Variants in CREB5 observed in about 807,000 individuals in gnomAD.
CREB5 encodes the protein cAMP responsive element binding protein 5.
CREB5 carries 19 observed loss-of-function variants against 57.1 expected under a neutral mutation model. The observed-to-expected ratio is 0.33, with a 90% CI of 0.23 to 0.49. The LOEUF (loss-of-function observed/expected upper bound fraction) is 0.49, where lower values mean the gene tolerates loss of function less well. Among genes scored for constraint, CREB5 ranks in the 20% least tolerant of loss-of-function variants. The probability of loss-of-function intolerance (pLI) is 0.99; values close to 1 mark genes in which losing one functional copy is unlikely to be tolerated. For synonymous variants in CREB5, 238 were observed against 238.3 expected (o/e 1.00, Z 0.01); for missense variants, 579 against 671.6 (o/e 0.86, Z 1.52).
At chr7:28,589,624 A>C (rs994463590) in intron 5 of CREB5, among the ~76,000 whole-genome samples, 1 of 152,228 alleles carries the variant, frequency 6.6e-6, no homozygotes, top group African/African-American at 2.4e-5. Flanking sequence ...TGCTGTTTAC[A>C]AATAGCGAAA....
intron 1 of CREB5, among the ~76,000 whole-genome samples, chr7:28,354,902 A>C (rs935591291): frequency 6.6e-6 from 1 of 152,180 alleles, no homozygotes; most frequent in African/African-American, 2.4e-5. Flanking sequence ...AGACGTAAGG[A>C]TGAATGCCTG....
intron 4 of CREB5, among the ~76,000 whole-genome samples, chr7:28,528,596 C>T (rs59124838): frequency 0.022 from 3,329 of 148,120 alleles, 95 homozygotes; most frequent in African/African-American, 0.077. Flanking sequence ...CCCAGCTACT[C>T]GGGAGGCTGA....
intron 7 of CREB5, among the ~76,000 whole-genome samples, chr7:28,728,433 T>A (rs1583625129): frequency 6.6e-6 from 1 of 152,338 alleles, no homozygotes; most frequent in South Asian, 2.1e-4. Flanking sequence ...TTAAATCAGA[T>A]TCCCTTGGGT....
chr7:28,415,589 C>T (rs1583435509), intron 1 of CREB5, among the ~76,000 whole-genome samples: 1 of 152,230 alleles, frequency 6.6e-6, no homozygotes, highest in African/African-American at 2.4e-5. Flanking sequence ...ATAAGGGCCT[C>T]CTTAATTAAT....
chr7:28,816,367 C>G (rs968848410), intron 9 of CREB5, among the ~76,000 whole-genome samples: 1 of 152,184 alleles, frequency 6.6e-6, no homozygotes, highest in African/African-American at 2.4e-5. Flanking sequence ...CCTTATCAAT[C>G]ACATTCATTT....
intron 5 of CREB5, among the ~76,000 whole-genome samples, chr7:28,663,632 C>T (rs1279458753): frequency 2.0e-5 from 3 of 152,204 alleles, no homozygotes; most frequent in Admixed American, 6.5e-5. Flanking sequence ...ATGGAAGTAT[C>T]AGAAACTGAA....
At chr7:28,629,648 C>T (rs1213237897) in intron 5 of CREB5, among the ~76,000 whole-genome samples, 1 of 152,182 alleles carries the variant, frequency 6.6e-6, no homozygotes, top group Non-Finnish European at 1.5e-5. Flanking sequence ...CTGGGATGAC[C>T]TTTGCTTCAT....
intron 7 of CREB5, among the ~76,000 whole-genome samples, chr7:28,762,680 C>T (rs1292205000): frequency 6.6e-6 from 1 of 151,726 alleles, no homozygotes; most frequent in Non-Finnish European, 1.5e-5. Context: ...TGATCTTTCC[C>T]TAAGCAAAAT....
At chr7:28,638,296 A>AACAC (rs372832509) in intron 5 of CREB5, among the ~76,000 whole-genome samples, 1 of 102,330 alleles carries the variant, frequency 9.8e-6, no homozygotes, top group Admixed American at 9.6e-5. Flanking sequence ...CACACACACG[A>AACAC]ACACACACAC....
chr7:28,336,886 G>T (rs1382662871), intron 1 of CREB5, among the ~76,000 whole-genome samples: 1 of 151,758 alleles, frequency 6.6e-6, no homozygotes, highest in African/African-American at 2.4e-5. Flanking sequence ...GTTTGGATAT[G>T]TTGTGTTTCC....
At chr7:28,817,444 A>C (rs1785293332) in intron 9 of CREB5, among the ~76,000 whole-genome samples, 4 of 152,202 alleles carry the variant, frequency 2.6e-5, no homozygotes, top group Admixed American at 2.0e-4. Flanking sequence ...TAGATTGAGC[A>C]ACACAGACTT....
Position 28,817,936 on chromosome 7 carries a change from C to A in CREB5, c.1255-135C>A, listed in dbSNP as rs200801004. The stretch of plus-strand genomic sequence containing the variant: ...GGTAAGCTACAAACTTTCAGGTGAA[C>A]CACATTAAATAATATTCTTAATGTC... On this transcript the variant is annotated intron_variant, in intron 9 of 10. Coordinates refer to ENST00000357727, the MANE Select transcript of CREB5 (RefSeq NM_182898.4). The A allele has an allele frequency of 2.7e-4, 159 of 581,392 alleles. No individual in the cohort carries two copies. The East Asian group carries it at 4.3e-3, about 16-fold the overall frequency. 36.0% of individuals were successfully genotyped at this position (581,392 alleles called of 1,614,324 possible).
chr7:28,807,116 G>A (rs959559356), intron 8 of CREB5, among the ~76,000 whole-genome samples: 1 of 152,254 alleles, frequency 6.6e-6, no homozygotes, highest in Non-Finnish European at 1.5e-5. Flanking sequence ...CTCTATAATC[G>A]GGAGGAAAAG....
intron 4 of CREB5, among the ~76,000 whole-genome samples, chr7:28,563,013 T>A (rs934991893): frequency 6.6e-6 from 1 of 152,204 alleles, no homozygotes; most frequent in Non-Finnish European, 1.5e-5. Flanking sequence ...TTCCACTTAT[T>A]GGCTGTGTGA....
upstream of CREB5, chr7:28,410,656 G>A (rs908293733): frequency 4.7e-6 from 2 of 424,008 alleles, no homozygotes; most frequent in Non-Finnish European, 9.6e-6. Flanking sequence ...CGGGCTACTT[G>A]TATATTTCGT....
At chr7:28,441,187 T>C (rs1789171260) in intron 1 of CREB5, among the ~76,000 whole-genome samples, 1 of 152,144 alleles carries the variant, frequency 6.6e-6, no homozygotes, top group Non-Finnish European at 1.5e-5. Context: ...TAGAAAGCCA[T>C]CTACTCTTGG....
intron 7 of CREB5, among the ~76,000 whole-genome samples, chr7:28,728,680 C>A (rs561975111): frequency 6.6e-6 from 1 of 152,166 alleles, no homozygotes; most frequent in African/African-American, 2.4e-5. Context: ...TGAAGATGAT[C>A]TTTGCATCGT....
chr7:28,543,720 T>C (rs1031215593), intron 4 of CREB5, among the ~76,000 whole-genome samples: 7 of 151,804 alleles, frequency 4.6e-5, no homozygotes, highest in Non-Finnish European at 8.8e-5. Flanking sequence ...GTTTTGAAAA[T>C]TCTTTTTCAT....
At chr7:28,673,814 C>T (rs1287569973) in intron 5 of CREB5, among the ~76,000 whole-genome samples, 1 of 151,928 alleles carries the variant, frequency 6.6e-6, no homozygotes, top group African/African-American at 2.4e-5. Flanking sequence ...GCTGAGACTA[C>T]AGGCGTACAC....
Sources: gnomAD v4.1 joint callset for allele counts (sites outside exome capture counted in the v4.1 genomes callset) on GRCh38, gnomAD v4.1.1 for gene constraint, MANE v1.5 for transcripts, NCBI Gene and HGNC (gene_info 2026-07-23, HGNC 2026-07-21) for gene names.